Variants in OR1S1 observed in about 807,000 individuals in gnomAD.
The protein encoded by OR1S1 is olfactory receptor family 1 subfamily S member 1.
For synonymous variants in OR1S1, 156 were observed against 143.9 expected (o/e 1.08, Z -0.60); for missense variants, 411 against 367.5 (o/e 1.12, Z -0.97).
intron 1 of OR1S1, among the ~76,000 whole-genome samples, chr11:58,213,641 A>T (rs982355603): frequency 1.3e-5 from 2 of 152,204 alleles, no homozygotes; most frequent in African/African-American, 4.8e-5. Context: ...TTATCAGGTC[A>T]AGGAGGAAGA....
exon 2 of OR1S1, chr11:58,214,970 C>T: frequency 4.3e-6 from 7 of 1,614,132 alleles, no homozygotes; most frequent in Non-Finnish European, 5.9e-6. Context: ...GTATCTCTTC[C>T]TTGCCAATCT....
chr11:58,214,123 A>G (rs1451790340), intron 1 of OR1S1, among the ~76,000 whole-genome samples: 10 of 152,220 alleles, frequency 6.6e-5, no homozygotes, highest in Non-Finnish European at 1.5e-4. Flanking sequence ...AGCAAGAGGC[A>G]AACAGAAGTC....
chr11:58,214,452 G>A (rs1173551214), intron 1 of OR1S1, among the ~76,000 whole-genome samples: 1 of 152,148 alleles, frequency 6.6e-6, no homozygotes, highest in Non-Finnish European at 1.5e-5. Flanking sequence ...TATATAACAT[G>A]TTTAGAATAT....
exon 2 of OR1S1, chr11:58,214,876 C>T: frequency 1.2e-6 from 2 of 1,614,152 alleles, no homozygotes; most frequent in Non-Finnish European, 1.7e-6. Flanking sequence ...TTGTGCTTTT[C>T]TTGGGTATGT....
Position 58,214,496 on chromosome 11 carries a change from G to A in OR1S1, c.-55-233G>A, listed in dbSNP as rs554750955. Among the ~76,000 whole-genome samples, 33 of 152,262 alleles carry A rather than the reference G, an allele frequency of 2.2e-4. 1 individual carries two copies. The Middle Eastern group carries it at 0.01, about 47-fold the overall frequency. ...CCTCATCTATGACCCTCAGTTTGCGGGATTTAAACTACATTTAGAACCAAC... is the reference window on the plus strand; with the variant it reads ...CCTCATCTATGACCCTCAGTTTGCGAGATTTAAACTACATTTAGAACCAAC... On this transcript the variant is annotated intron_variant, in intron 1 of 1. Transcript: ENST00000641544.
chr11:58,215,698 C>G (rs763105565), exon 2 of OR1S1: 1 of 1,611,604 alleles, frequency 6.2e-7, no homozygotes, highest in African/African-American at 1.3e-5. Flanking sequence ...GAAAGCTCAT[C>G]AATAGAAAAA....
At chr11:58,213,689 T>G (rs560394896) in intron 1 of OR1S1, among the ~76,000 whole-genome samples, 2 of 152,364 alleles carry the variant, frequency 1.3e-5, no homozygotes, top group East Asian at 3.9e-4. Flanking sequence ...TTCATATCTG[T>G]TGCCATAGAT....
exon 2 of OR1S1, chr11:58,215,702 A>G: frequency 1.9e-6 from 3 of 1,611,996 alleles, no homozygotes; most frequent in Non-Finnish European, 2.5e-6. Context: ...GCTCATCAAT[A>G]GAAAAATTTC....
exon 2 of OR1S1, chr11:58,215,708 A>G (rs1297896923): frequency 6.2e-7 from 1 of 1,611,696 alleles, no homozygotes; most frequent in Non-Finnish European, 8.5e-7. Flanking sequence ...CAATAGAAAA[A>G]TTTCTTCCCT....
At position 58,214,945 on chromosome 11, in the gene OR1S1, C is replaced by A. The variant is rs1446563782; in HGVS notation, c.162C>A (p.Tyr54Ter). The change falls in exon 2 of 2, where the codon TAC (tyrosine) becomes TAA (stop). Residue 54 changes from tyrosine to a stop codon, truncating the protein, a stop_gained. Coordinates refer to ENST00000641544, the Ensembl canonical transcript of OR1S1. LOFTEE classifies it low-confidence loss of function (END_TRUNC). ...TTGTGGCTATCAGCTTGGATACGTA[C>A]CTTCATACCCCCATGTATCTCTTCC... 12 of 1,614,098 alleles carry A rather than the reference C, an allele frequency of 7.4e-6. No individual in the cohort carries two copies. The highest frequency in any genetic ancestry group is 1.1e-5 in the South Asian group (1 of 91,080).
exon 2 of OR1S1, chr11:58,215,384 A>G: frequency 6.2e-7 from 1 of 1,613,838 alleles, no homozygotes; most frequent in Non-Finnish European, 8.5e-7. Context: ...TGTGTTGTTT[A>G]TTGTGGGTTT....
intron 1 of OR1S1, among the ~76,000 whole-genome samples, chr11:58,213,672 A>G (rs1052325238): frequency 6.6e-6 from 1 of 152,248 alleles, no homozygotes; most frequent in Non-Finnish European, 1.5e-5. Context: ...GAAAAAAGGC[A>G]AAAGTGTTCA....
At chr11:58,214,800 A>C in exon 2 of OR1S1, 1 of 1,614,068 alleles carries the variant, frequency 6.2e-7, no homozygotes. Context: ...CAAGGAAACC[A>C]AACCACCATC....
At chr11:58,215,011 C>T in exon 2 of OR1S1, 1 of 1,614,178 alleles carries the variant, frequency 6.2e-7, no homozygotes, top group East Asian at 2.2e-5. Flanking sequence ...CCATTTCCAA[C>T]TCAGTCCCCA....
At chr11:58,215,652 A>G (rs770476205) in exon 2 of OR1S1, 2 of 1,614,030 alleles carry the variant, frequency 1.2e-6, no homozygotes, top group Admixed American at 1.7e-5. Flanking sequence ...CCCTTCATCT[A>G]CAGCTTGAGG....
exon 2 of OR1S1, chr11:58,214,938 A>T (rs1393026412): frequency 6.2e-7 from 1 of 1,613,932 alleles, no homozygotes; most frequent in Non-Finnish European, 8.5e-7. Context: ...ATCAGCTTGG[A>T]TACGTACCTT....
chr11:58,214,619 C>G, intron 1 of OR1S1, 110 bp from the exon 2 acceptor site: 1 of 800,032 alleles, frequency 1.2e-6, no homozygotes, highest in Non-Finnish European at 2.0e-6. Flanking sequence ...TTCCAAATCT[C>G]TGCACTGCTG....
rs745375381 is a variant in OR1S1 at position 58,215,013 on chromosome 11, C to G, written c.230C>G (p.Ser77Ter). 4 of 1,614,058 alleles carry G rather than the reference C, an allele frequency of 2.5e-6. No homozygotes were observed. In the Admixed American group the frequency reaches 5.0e-5, roughly 20 times the overall value. The change falls in exon 2 of 2, where the codon TCA (serine) becomes TGA (stop). Residue 77 changes from serine (S) to a stop codon, truncating the protein, a stop_gained. Coordinates refer to ENST00000641544, the Ensembl canonical transcript of OR1S1. LOFTEE classifies it low-confidence loss of function (END_TRUNC). ...GCTGATATTTCCTCCATTTCCAACT[C>G]AGTCCCCAAAATGCTGGTGAATATT...
chr11:58,215,049 G>A (rs148202922), exon 2 of OR1S1: 1 of 1,614,030 alleles, frequency 6.2e-7, no homozygotes, highest in Non-Finnish European at 8.5e-7. Context: ...CAAACCAAGA[G>A]TCAATCCATC....
Sources: allele counts gnomAD v4.1 joint callset (sites outside exome capture counted in the v4.1 genomes callset), GRCh38; gene constraint gnomAD v4.1.1; transcripts MANE v1.5; gene names NCBI Gene and HGNC (gene_info 2026-07-23, HGNC 2026-07-21).